The following ITGB6 variants were observed in gnomAD, a reference collection of about 807,000 sequenced individuals.
ITGB6 encodes integrin beta-6.
Under a neutral mutation model 84.5 loss-of-function variants are expected in ITGB6, and 80 were observed. The ratio of observed to expected loss-of-function variants is 0.95; its 90% confidence interval spans 0.79 to 1.14. ITGB6 has a LOEUF of 1.14. Among genes scored for constraint, ITGB6 ranks in the 50% most tolerant of loss-of-function variants. The probability of loss-of-function intolerance (pLI) is 0.00; values close to 1 mark genes in which losing one functional copy is unlikely to be tolerated. For missense variants in ITGB6, 1,006 were observed against 968.0 expected, an observed-to-expected ratio of 1.04 and a Z score of -0.52; for synonymous variants, 383 against 354.9, an observed-to-expected ratio of 1.08 and a Z score of -0.89.
At chr2:160,149,485 A>G (rs185831111) in intron 7 of ITGB6, among the ~76,000 whole-genome samples, 13 of 152,258 alleles carry the variant, frequency 8.5e-5, no homozygotes, top group Non-Finnish European at 1.8e-4. Flanking sequence ...AGATTAAATC[A>G]CAAAGATGGG....
intron 10 of ITGB6, among the ~76,000 whole-genome samples, chr2:160,130,348 C>G (rs917379040): frequency 1.3e-5 from 2 of 151,882 alleles, no homozygotes; most frequent in African/African-American, 4.8e-5. Context: ...TCTATATACT[C>G]TATATATACA....
At chr2:160,186,433 T>C (rs1685900836) in intron 4 of ITGB6, among the ~76,000 whole-genome samples, 1 of 152,122 alleles carries the variant, frequency 6.6e-6, no homozygotes, top group East Asian at 1.9e-4. Context: ...CTCATGCCAG[T>C]TAGAATGGCA....
chr2:160,108,083 T>C (rs1230895581), intron 13 of ITGB6, among the ~76,000 whole-genome samples: 4 of 152,114 alleles, frequency 2.6e-5, no homozygotes, highest in African/African-American at 4.8e-5. Flanking sequence ...GATATAGACT[T>C]GATGGTTGAC....
intron 7 of ITGB6, among the ~76,000 whole-genome samples, chr2:160,147,435 G>A (rs1684241029): frequency 6.6e-6 from 1 of 152,144 alleles, no homozygotes; most frequent in Admixed American, 6.5e-5. Context: ...TTAATGCAAT[G>A]CCAATCAAAA....
At chr2:160,188,266 G>A (rs1435191161) in intron 4 of ITGB6, among the ~76,000 whole-genome samples, 6 of 152,162 alleles carry the variant, frequency 3.9e-5, no homozygotes, top group Non-Finnish European at 8.8e-5. Flanking sequence ...ATGTATGTAT[G>A]TGTGTACAAG....
chr2:160,125,920 T>C (rs2061290), intron 11 of ITGB6, among the ~76,000 whole-genome samples: 101,667 of 152,062 alleles, frequency 0.67, 34,368 homozygotes, highest in Admixed American at 0.74. Context: ...CTTTCTGCCT[T>C]TTTGCCTCTG....
chr2:160,118,393 A>C (rs2105789590), intron 12 of ITGB6, among the ~76,000 whole-genome samples: 1 of 152,336 alleles, frequency 6.6e-6, no homozygotes, highest in African/African-American at 2.4e-5. Context: ...CCAGCATATA[A>C]ACGGAACCAA....
intron 7 of ITGB6, among the ~76,000 whole-genome samples, chr2:160,158,707 A>G (rs1169805956): frequency 7.2e-5 from 11 of 152,222 alleles, no homozygotes; most frequent in Non-Finnish European, 1.5e-4. Flanking sequence ...AATAGCAAGT[A>G]GGTGTATGTG....
intron 7 of ITGB6, among the ~76,000 whole-genome samples, chr2:160,161,385 G>A (rs1684808490): frequency 6.6e-6 from 1 of 152,176 alleles, no homozygotes; most frequent in Non-Finnish European, 1.5e-5. Flanking sequence ...CCGCCTCCCA[G>A]GTTCAAGAGA....
rs981950097 is a variant in ITGB6 at position 160,200,129 on chromosome 2, G to A, written c.-66C>T. The A allele has an allele frequency of 1.2e-5, 14 of 1,216,938 alleles. No individual in the cohort carries two copies. The East Asian group carries it at 1.4e-4, about 12-fold the overall frequency. 75.4% of individuals were successfully genotyped at this position (1,216,938 alleles called of 1,614,324 possible). On this transcript the variant is annotated 5_prime_UTR_variant, in exon 1 of 15. Transcript: ENST00000283249. ...TTACCTTCAGCGTTACAAGACCAAC[G>A]CTGAATATCGTTAAAGTCTTTCTTT...
At chr2:160,106,140 C>G (rs13000870) in intron 14 of ITGB6, among the ~76,000 whole-genome samples, 10,124 of 152,280 alleles carry the variant, frequency 0.066, 391 homozygotes, top group Middle Eastern at 0.14. Context: ...CTAGCAATGT[C>G]ACCATGCCAT....
chr2:160,167,837 C>G (rs541246088), intron 7 of ITGB6, among the ~76,000 whole-genome samples: 1 of 152,130 alleles, frequency 6.6e-6, no homozygotes, highest in African/African-American at 2.4e-5. Context: ...CCCCAGACTC[C>G]CCTTTGAAGA....
chr2:160,164,328 A>T (rs1574107069), intron 7 of ITGB6, among the ~76,000 whole-genome samples: 2 of 152,328 alleles, frequency 1.3e-5, no homozygotes, highest in Admixed American at 1.3e-4. Flanking sequence ...TCTTAGTTTC[A>T]ATGATATGCT....
intron 8 of ITGB6, 89 bp from the exon 9 acceptor site, chr2:160,138,288 C>A: frequency 2.3e-6 from 3 of 1,298,630 alleles, no homozygotes; most frequent in Non-Finnish European, 3.1e-6. Context: ...CATTGAACTA[C>A]AAATAAATAA....
At chr2:160,171,525 T>C (rs560586181) in intron 6 of ITGB6, among the ~76,000 whole-genome samples, 1 of 152,000 alleles carries the variant, frequency 6.6e-6, no homozygotes, top group South Asian at 2.1e-4. Flanking sequence ...TTAGTAGAGA[T>C]GGGGTTTCAC....
chr2:160,140,301 G>A (rs1683950994), intron 8 of ITGB6, among the ~76,000 whole-genome samples: 1 of 152,176 alleles, frequency 6.6e-6, no homozygotes, highest in Non-Finnish European at 1.5e-5. Flanking sequence ...AGTAAAACAA[G>A]GACAGAAGAT....
intron 10 of ITGB6, among the ~76,000 whole-genome samples, chr2:160,135,115 G>A (rs972444994): frequency 6.6e-6 from 1 of 151,240 alleles, no homozygotes; most frequent in African/African-American, 2.4e-5. Context: ...AAGTCAAATT[G>A]TCCCTGTTTG....
intron 4 of ITGB6, among the ~76,000 whole-genome samples, chr2:160,178,691 T>C (rs950240148): frequency 9.9e-5 from 13 of 130,690 alleles, no homozygotes; most frequent in South Asian, 2.5e-4. Flanking sequence ...TCTCTCTCTT[T>C]TTTTTTTTTT....
intron 7 of ITGB6, 32 bp from the exon 8 acceptor site, chr2:160,142,103 G>A (rs1684021461): frequency 7.3e-7 from 1 of 1,366,582 alleles, no homozygotes; most frequent in East Asian, 2.4e-5. Context: ...GTCAATCTTT[G>A]TTTCCTCATG....
Sources: gnomAD v4.1 joint callset for allele counts (sites outside exome capture counted in the v4.1 genomes callset) on GRCh38, gnomAD v4.1.1 for gene constraint, MANE v1.5 for transcripts, NCBI Gene and HGNC (gene_info 2026-07-23, HGNC 2026-07-21) for gene names.